The following CNBD1 variants were observed in gnomAD, a reference collection of about 807,000 sequenced individuals.
CNBD1 encodes the protein cyclic nucleotide binding domain containing 1.
CNBD1 carries 71 observed loss-of-function variants against 54.4 expected under a neutral mutation model. That is an observed-to-expected ratio of 1.30 (90% confidence interval 1.08 to 1.59). The LOEUF is 1.59. CNBD1 is among the 40% of genes most tolerant of loss of function. CNBD1 has a pLI of 0.00. For synonymous variants in CNBD1, 182 were observed against 170.7 expected (o/e 1.07, Z -0.51); for missense variants, 659 against 518.0 (o/e 1.27, Z -2.64).
chr8:87,297,981 G>T (rs572784053), intron 8 of CNBD1, among the ~76,000 whole-genome samples: 79 of 150,780 alleles, frequency 5.2e-4, no homozygotes, highest in Non-Finnish European at 7.8e-4. Context: ...TCTATATTAA[G>T]ATCCTTATTA....
chr8:87,144,230 G>A (rs548289143), intron 4 of CNBD1, among the ~76,000 whole-genome samples: 2 of 152,202 alleles, frequency 1.3e-5, no homozygotes, highest in South Asian at 4.1e-4. Context: ...AAGGGCAAAT[G>A]CAAATTCAAA....
At chr8:86,901,272 A>G (rs1233199802) in intron 2 of CNBD1, among the ~76,000 whole-genome samples, 2 of 152,142 alleles carry the variant, frequency 1.3e-5, no homozygotes, top group Non-Finnish European at 2.9e-5. Flanking sequence ...GATATCACTT[A>G]TATTTCTTTT....
At chr8:87,231,013 C>A (rs1020059339) in intron 5 of CNBD1, among the ~76,000 whole-genome samples, 2 of 152,072 alleles carry the variant, frequency 1.3e-5, no homozygotes, top group Non-Finnish European at 2.9e-5. Flanking sequence ...ACATTCATGG[C>A]AGACGGCGAA....
At chr8:87,043,159 G>A (rs1178105406) in intron 4 of CNBD1, among the ~76,000 whole-genome samples, 5 of 152,180 alleles carry the variant, frequency 3.3e-5, no homozygotes, top group African/African-American at 9.7e-5. Context: ...GGGGTTATGT[G>A]TGGAACAGGT....
intron 1 of CNBD1, among the ~76,000 whole-genome samples, chr8:86,876,517 G>C (rs1408800113): frequency 6.6e-6 from 1 of 151,442 alleles, no homozygotes; most frequent in East Asian, 1.9e-4. Context: ...ACCAGCTCTT[G>C]ATTTTTACTT....
rs528542205 is a variant in CNBD1, at chr8:87,255,883, T to C, written c.771+18771T>C. 3.2e-4 allele frequency among the ~76,000 whole-genome samples: 47 copies of C among 146,464 alleles called. No homozygotes were observed. In the South Asian group the frequency reaches 7.8e-3, roughly 24 times the overall value. Reference sequence around the variant, plus strand: ...TGAGCATGGTGCTTAATAGGAAGCATATTATGCCTTAAATAAAATAAGACA... The same window carrying C: ...TGAGCATGGTGCTTAATAGGAAGCACATTATGCCTTAAATAAAATAAGACA... On this transcript the variant is annotated intron_variant, in intron 6 of 10. Transcript: ENST00000518476.
At chr8:87,353,993 G>A in intron 10 of CNBD1, 1 of 373,478 alleles carries the variant, frequency 2.7e-6, no homozygotes, top group South Asian at 4.8e-5. Flanking sequence ...GGGCTGGAAG[G>A]GAACTTCATT....
intron 4 of CNBD1, among the ~76,000 whole-genome samples, chr8:87,203,881 C>A (rs1813914238): frequency 6.6e-6 from 1 of 152,154 alleles, no homozygotes; most frequent in Non-Finnish European, 1.5e-5. Flanking sequence ...GAAATGGAAA[C>A]ACATTACAGT....
chr8:87,266,853 A>T (rs1808268906), intron 6 of CNBD1, among the ~76,000 whole-genome samples: 1 of 152,016 alleles, frequency 6.6e-6, no homozygotes, highest in South Asian at 2.1e-4. Context: ...AAAAGATAAA[A>T]CTGCATGCCT....
intron 2 of CNBD1, among the ~76,000 whole-genome samples, chr8:87,420,974 G>A (rs891925785): frequency 2.0e-5 from 3 of 151,782 alleles, no homozygotes; most frequent in Admixed American, 2.0e-4. Context: ...TAGAGACCTA[G>A]GCCAAACACA....
intron 4 of CNBD1, among the ~76,000 whole-genome samples, chr8:86,969,864 T>C (rs1490538700): frequency 5.9e-5 from 9 of 151,278 alleles, no homozygotes; most frequent in Middle Eastern, 3.2e-3. Flanking sequence ...AATCCTAAAA[T>C]CAATATCACT....
intron 10 of CNBD1, among the ~76,000 whole-genome samples, chr8:87,379,098 A>C (rs1202848083): frequency 2.6e-5 from 4 of 151,452 alleles, no homozygotes; most frequent in Non-Finnish European, 4.4e-5. Flanking sequence ...TGTCATCTGC[A>C]AACAGGGACA....
intron 6 of CNBD1, among the ~76,000 whole-genome samples, chr8:87,262,304 A>G (rs535612524): frequency 2.0e-5 from 3 of 152,294 alleles, no homozygotes; most frequent in African/African-American, 7.2e-5. Flanking sequence ...TGATAGAATT[A>G]CTTTCTAATT....
At chr8:87,347,490 A>C (rs1810197440) in intron 8 of CNBD1, among the ~76,000 whole-genome samples, 1 of 148,762 alleles carries the variant, frequency 6.7e-6, no homozygotes, top group African/African-American at 2.6e-5. Context: ...ACAAATCAAT[A>C]ACTTATACAA....
At chr8:87,226,025 C>A (rs1195369235) in intron 5 of CNBD1, among the ~76,000 whole-genome samples, 3 of 151,434 alleles carry the variant, frequency 2.0e-5, no homozygotes, top group African/African-American at 7.3e-5. Flanking sequence ...AGTTTATTTG[C>A]GTAGAGGTGT....
chr8:87,157,138 C>CA (rs1812758504), intron 4 of CNBD1, among the ~76,000 whole-genome samples: 1 of 151,974 alleles, frequency 6.6e-6, no homozygotes, highest in Non-Finnish European at 1.5e-5. Flanking sequence ...CAATCCTCTC[C>CA]AAAAAACAAG....
At position 87,353,893 on chromosome 8, in the gene CNBD1, G is replaced by C. The variant is rs1810361574; in HGVS notation, c.1303+107G>C. On this transcript the variant is annotated intron_variant, in intron 10 of 10. Transcript: ENST00000518476. ...TCAGATGCATATTTATTAAATTGGGGTTCACCTGCAAAGGATGGAGTATTT... is the reference window on the plus strand; with the variant it reads ...TCAGATGCATATTTATTAAATTGGGCTTCACCTGCAAAGGATGGAGTATTT... The C allele has an allele frequency of 1.4e-5, 10 of 725,226 alleles. No homozygotes were observed. The South Asian group carries it at 1.6e-4, about 12-fold the overall frequency. The allele number at this position is 725,226 out of a possible 1,614,324, so 44.9% of individuals were successfully genotyped here.
intron 9 of CNBD1, 30 bp downstream of exon 9, chr8:87,351,824 C>G: frequency 7.0e-7 from 1 of 1,424,074 alleles, no homozygotes; most frequent in Non-Finnish European, 9.2e-7. Context: ...TCTTTTTAAT[C>G]AATTAATCTA....
chr8:87,134,542 C>T (rs1308438950), intron 4 of CNBD1, among the ~76,000 whole-genome samples: 1 of 142,106 alleles, frequency 7.0e-6, no homozygotes, highest in Non-Finnish European at 1.5e-5. Flanking sequence ...TTGTTCAGAA[C>T]TTATTGTAAT....
Sources: allele counts gnomAD v4.1 joint callset (sites outside exome capture counted in the v4.1 genomes callset), GRCh38; gene constraint gnomAD v4.1.1; transcripts MANE v1.5; gene names NCBI Gene and HGNC (gene_info 2026-07-23, HGNC 2026-07-21).